CCDC3: variants seen among roughly 807,000 people sequenced by gnomAD.
CCDC3 encodes coiled-coil domain-containing protein 3.
A neutral mutation model predicts 21.4 loss-of-function variants in CCDC3; 24 were observed. The ratio of observed to expected loss-of-function variants is 1.12; its 90% CI spans 0.81 to 1.58. The LOEUF (loss-of-function observed/expected upper bound fraction) is 1.58, where lower values mean the gene tolerates loss of function less well. CCDC3 is among the 40% of genes most tolerant of loss of function. The probability of loss-of-function intolerance (pLI) is 0.00; values close to 1 mark genes in which losing one functional copy is unlikely to be tolerated. For synonymous variants in CCDC3, 186 were observed against 166.0 expected (o/e 1.12, Z -0.93); for missense variants, 425 against 360.9 (o/e 1.18, Z -1.44).
At position 13,062,687 on chromosome 10, in the gene CCDC3, C is replaced by T. The variant is rs562545067; in HGVS notation, c.-270+11181G>A. 9.2e-5 allele frequency among the ~76,000 whole-genome samples: 14 copies of T among 152,154 alleles called. No homozygotes were observed. In the South Asian group the frequency reaches 2.9e-3, roughly 32 times the overall value. Reference sequence around the variant, plus strand: ...TGGTTTAAGTAAAGATGGTAACAGCCCTTTCCCAAGCAGACCTCCTTTTTG... The same window carrying T: ...TGGTTTAAGTAAAGATGGTAACAGCTCTTTCCCAAGCAGACCTCCTTTTTG... On this transcript the variant is annotated intron_variant, in intron 4 of 6. Coordinates refer to the CCDC3 transcript ENST00000378839.
intron 5 of CCDC3, among the ~76,000 whole-genome samples, chr10:13,040,705 A>T (rs901016382): frequency 6.6e-6 from 1 of 151,652 alleles, no homozygotes; most frequent in Non-Finnish European, 1.5e-5. Flanking sequence ...ACACACACAC[A>T]CACACACACA....
intron 2 of CCDC3, among the ~76,000 whole-genome samples, chr10:12,969,538 G>A (rs189696618): frequency 2.0e-5 from 3 of 151,654 alleles, no homozygotes; most frequent in Admixed American, 6.6e-5. Flanking sequence ...GTAGTAAACC[G>A]ACTACTGGGT....
intron 2 of CCDC3, among the ~76,000 whole-genome samples, chr10:12,919,713 T>C (rs1187889055): frequency 7.0e-6 from 1 of 143,882 alleles, no homozygotes; most frequent in Non-Finnish European, 1.5e-5. Flanking sequence ...GCTCCTTCCA[T>C]GCTCAGCACA....
At chr10:12,936,158 G>A (rs1424158917) in intron 2 of CCDC3, among the ~76,000 whole-genome samples, 6 of 152,084 alleles carry the variant, frequency 3.9e-5, no homozygotes, top group African/African-American at 1.4e-4. Context: ...CAGGTTTACG[G>A]TCCGACGGTA....
intron 5 of CCDC3, among the ~76,000 whole-genome samples, chr10:13,023,380 T>C (rs1233555170): frequency 6.6e-6 from 1 of 152,138 alleles, no homozygotes; most frequent in Non-Finnish European, 1.5e-5. Flanking sequence ...TGGCTGAAAG[T>C]TGGTGCTGGC....
At chr10:13,082,994 C>T (rs974413892) in intron 3 of CCDC3, among the ~76,000 whole-genome samples, 1 of 152,138 alleles carries the variant, frequency 6.6e-6, no homozygotes, top group Non-Finnish European at 1.5e-5. Context: ...CGGTCTCTTG[C>T]CTCAGCACCT....
rs1487819099 is a variant in CCDC3 at position 13,001,593 on chromosome 10, G to A, written c.-23C>T. 8.5e-7 allele frequency: 1 copy of A among 1,171,400 alleles called. No homozygotes were observed. Among genetic ancestry groups the A allele is most frequent in the African/African-American group, 1.6e-5 (1 of 61,986 alleles). The allele number at this position is 1,171,400 out of a possible 1,614,324, so 72.6% of individuals were successfully genotyped here. On this transcript the variant is annotated 5_prime_UTR_variant, in exon 1 of 3. Coordinates refer to ENST00000378825, the MANE Select transcript of CCDC3 (RefSeq NM_031455.4). ...CATGCCGGGCCCTCCCGGGGCGCAC[G>A]GGGCGGCGGCGGGGAGCCCGGGGAG...
chr10:12,937,067 G>T (rs1834750787), intron 2 of CCDC3, among the ~76,000 whole-genome samples: 1 of 151,756 alleles, frequency 6.6e-6, no homozygotes, highest in Non-Finnish European at 1.5e-5. Flanking sequence ...ACTCACAAAA[G>T]CCTAAGCCTG....
intron 5 of CCDC3, among the ~76,000 whole-genome samples, chr10:13,007,321 G>A (rs1036660413): frequency 8.5e-5 from 13 of 152,130 alleles, no homozygotes; most frequent in African/African-American, 3.1e-4. Flanking sequence ...GGAAGCTCTG[G>A]CATCTCAGCC....
Position 12,992,256 on chromosome 10 carries a change from G to A in CCDC3, c.549+6082C>T, listed in dbSNP as rs144292579. ...AATACAAAAATCAGCTGGCCGTGGT[G>A]CTGGGCGCCTGTAGTCCCAGCTACT... On this transcript the variant is annotated intron_variant, in intron 2 of 2. Coordinates refer to ENST00000378825, the MANE Select transcript of CCDC3 (RefSeq NM_031455.4). 2.1e-3 allele frequency among the ~76,000 whole-genome samples: 314 copies of A among 152,122 alleles called. 11 individuals are homozygous for A. In the East Asian group the frequency reaches 0.056, roughly 27 times the overall value.
At position 12,901,024 on chromosome 10, in the gene CCDC3, T is replaced by G. The variant is rs143400667; in HGVS notation, c.550-2345A>C. ...AACTGCCCAAGGTCACGCCCCCTTC[T>G]TTGGAGCACCTGTATCCAAGGACTG... On this transcript the variant is annotated intron_variant, in intron 2 of 2. Transcript: ENST00000378825. Among the ~76,000 whole-genome samples, 116 of 152,240 alleles carry G rather than the reference T, an allele frequency of 7.6e-4. 1 individual carries two copies. The highest frequency in any genetic ancestry group is 2.6e-3 in the African/African-American group (109 of 41,548).
At chr10:12,974,037 C>A (rs536913414) in intron 2 of CCDC3, among the ~76,000 whole-genome samples, 1 of 152,294 alleles carries the variant, frequency 6.6e-6, no homozygotes, top group Admixed American at 6.5e-5. Context: ...ACTCCAAGAA[C>A]CAGGCAGCAT....
intron 3 of CCDC3, among the ~76,000 whole-genome samples, chr10:13,089,304 ATT>A (rs1271775111): frequency 7.0e-6 from 1 of 143,804 alleles, no homozygotes; most frequent in East Asian, 2.2e-4. Context: ...GTAAGTGAAC[ATT>A]TCTTTATGTT....
At chr10:13,047,513 T>A (rs1306654693) in intron 5 of CCDC3, among the ~76,000 whole-genome samples, 1 of 152,212 alleles carries the variant, frequency 6.6e-6, no homozygotes, top group African/African-American at 2.4e-5. Flanking sequence ...AAAATCTGCA[T>A]AGCAAAGACT....
chr10:12,932,613 T>C (rs929799174), intron 2 of CCDC3, among the ~76,000 whole-genome samples: 1 of 152,232 alleles, frequency 6.6e-6, no homozygotes, highest in African/African-American at 2.4e-5. Context: ...TTATCTACAA[T>C]GTTTTATGTC....
At chr10:12,984,022 T>C (rs1039970774) in intron 2 of CCDC3, among the ~76,000 whole-genome samples, 8 of 152,170 alleles carry the variant, frequency 5.3e-5, no homozygotes, top group East Asian at 3.9e-4. Flanking sequence ...AGAGGCTGCA[T>C]TGAGCCAAGA....
At chr10:12,909,213 T>C (rs774308639) in intron 2 of CCDC3, among the ~76,000 whole-genome samples, 2 of 152,178 alleles carry the variant, frequency 1.3e-5, no homozygotes, top group Non-Finnish European at 2.9e-5. Context: ...AGGAGGGCTA[T>C]AAGGGCACTA....
intron 4 of CCDC3, chr10:13,058,317 C>T: frequency 7.5e-7 from 1 of 1,324,924 alleles, no homozygotes; most frequent in Non-Finnish European, 1.1e-6. Context: ...TTCACTTGGC[C>T]TTCATAGATC....
chr10:13,039,041 G>A (rs1836415606), intron 5 of CCDC3, among the ~76,000 whole-genome samples: 1 of 152,192 alleles, frequency 6.6e-6, no homozygotes, highest in African/African-American at 2.4e-5. Context: ...ATCTCGGAGA[G>A]CTCAAATGCC....
Sources: allele counts gnomAD v4.1 joint callset (sites outside exome capture counted in the v4.1 genomes callset), GRCh38; gene constraint gnomAD v4.1.1; transcripts MANE v1.5; gene names NCBI Gene and HGNC (gene_info 2026-07-23, HGNC 2026-07-21).